Variants in RORA observed in about 807,000 individuals in gnomAD.
RORA encodes RAR related orphan receptor A.
A neutral mutation model predicts 69.5 loss-of-function variants in RORA; 7 were observed. That is an observed-to-expected ratio of 0.10 (90% confidence interval 0.06 to 0.19). The LOEUF (loss-of-function observed/expected upper bound fraction) is 0.19. Ranked by LOEUF, RORA falls within the 10% of genes least tolerant of loss-of-function variation. The probability of loss-of-function intolerance (pLI) is 1.00; values close to 1 mark genes in which losing one functional copy is unlikely to be tolerated. For synonymous variants in RORA, 261 were observed against 240.8 expected, an observed-to-expected ratio of 1.08 and a Z score of -0.78; for missense variants, 457 against 663.0, an observed-to-expected ratio of 0.69 and a Z score of 3.41.
At chr15:60,964,268 T>C (rs1205747519) in intron 1 of RORA, among the ~76,000 whole-genome samples, 1 of 152,216 alleles carries the variant, frequency 6.6e-6, no homozygotes, top group Non-Finnish European at 1.5e-5. Context: ...CCTATCTGTA[T>C]AAGATGAGGT....
chr15:60,691,120 T>C (rs572633005), intron 1 of RORA, among the ~76,000 whole-genome samples: 10 of 152,062 alleles, frequency 6.6e-5, no homozygotes, highest in Non-Finnish European at 8.8e-5. Flanking sequence ...TCCTTTCTGT[T>C]TGTAGTTCCC....
In RORA at chr15:61,172,014, T is replaced by C. The variant is rs1181048801; in HGVS notation, c.166+57039A>G. Among the ~76,000 whole-genome samples the C allele has an allele frequency of 5.9e-5, 9 of 152,306 alleles. No individual in the cohort carries two copies. In the East Asian group the frequency reaches 1.7e-3, roughly 29 times the overall value. Reference sequence around the variant, plus strand: ...AGGGCATGCACATTAGCATATTTTGTAACAGCTGTTGATGAAGATGTTAAG... The same window carrying C: ...AGGGCATGCACATTAGCATATTTTGCAACAGCTGTTGATGAAGATGTTAAG... On this transcript the variant is annotated intron_variant, in intron 1 of 10. Transcript: ENST00000335670.
intron 1 of RORA, among the ~76,000 whole-genome samples, chr15:60,785,712 T>C (rs2072324985): frequency 6.6e-6 from 1 of 152,234 alleles, no homozygotes; most frequent in Non-Finnish European, 1.5e-5. Context: ...GACCTTTGCA[T>C]ATCACACTCC....
chr15:60,762,496 T>TA, intron 1 of RORA, among the ~76,000 whole-genome samples: 1 of 152,210 alleles, frequency 6.6e-6, no homozygotes, highest in Non-Finnish European at 1.5e-5. Flanking sequence ...GAGGACATAT[T>TA]ACAGCCAACT....
At chr15:60,947,665 G>C (rs141808055) in intron 1 of RORA, among the ~76,000 whole-genome samples, 1,859 of 101,532 alleles carry the variant, frequency 0.018, 46 homozygotes, top group African/African-American at 0.071. Flanking sequence ...CCCCCTCTTC[G>C]AGAAACACCC....
chr15:61,195,769 A>C (rs568290195), intron 1 of RORA: 1 of 152,244 alleles, frequency 6.6e-6, no homozygotes, highest in Non-Finnish European at 1.5e-5. Flanking sequence ...CTCACTAGTC[A>C]ATGAGTCACA....
intron 2 of RORA, among the ~76,000 whole-genome samples, chr15:60,539,477 G>A (rs1005619442): frequency 3.9e-5 from 6 of 152,264 alleles, no homozygotes; most frequent in Middle Eastern, 3.4e-3. Flanking sequence ...AACAGTGGGT[G>A]GCTTTTTTAG....
chr15:60,790,529 A>T (rs926076211), intron 1 of RORA, among the ~76,000 whole-genome samples: 2 of 152,216 alleles, frequency 1.3e-5, no homozygotes, highest in African/African-American at 4.8e-5. Context: ...TGGAAACTGC[A>T]AGTCTAGAAC....
intron 1 of RORA, among the ~76,000 whole-genome samples, chr15:61,134,434 G>C (rs1027120469): frequency 6.6e-6 from 1 of 152,192 alleles, no homozygotes; most frequent in Non-Finnish European, 1.5e-5. Context: ...AAGGCCAGAG[G>C]TTCTAACAGC....
chr15:60,574,154 C>T (rs1289845006), intron 2 of RORA, among the ~76,000 whole-genome samples: 1 of 152,206 alleles, frequency 6.6e-6, no homozygotes, highest in Non-Finnish European at 1.5e-5. Flanking sequence ...GCGAGTCTGG[C>T]AGACTCAGCC....
At chr15:61,114,700 A>G (rs528448309) in intron 1 of RORA, among the ~76,000 whole-genome samples, 12 of 152,328 alleles carry the variant, frequency 7.9e-5, no homozygotes, top group African/African-American at 2.9e-4. Context: ...AATTGGTTAT[A>G]TAATTGGCCT....
At chr15:60,673,171 G>C (rs1175857032) in intron 2 of RORA, among the ~76,000 whole-genome samples, 1 of 152,138 alleles carries the variant, frequency 6.6e-6, no homozygotes, top group Non-Finnish European at 1.5e-5. Context: ...CTACTAACTG[G>C]GCAAACTTGA....
intron 1 of RORA, among the ~76,000 whole-genome samples, chr15:61,182,307 A>C (rs943031746): frequency 2.0e-4 from 30 of 152,246 alleles, no homozygotes; most frequent in African/African-American, 7.2e-4. Flanking sequence ...GGAACAGACC[A>C]GTCCTCAGGG....
chr15:60,549,533 T>C (rs1387795847), intron 2 of RORA, among the ~76,000 whole-genome samples: 1 of 152,144 alleles, frequency 6.6e-6, no homozygotes, highest in African/African-American at 2.4e-5. Context: ...TTTGTCATAC[T>C]TCTTACAGTG....
intron 1 of RORA, among the ~76,000 whole-genome samples, chr15:61,182,477 A>C (rs1284364425): frequency 6.6e-6 from 1 of 152,226 alleles, no homozygotes; most frequent in Admixed American, 6.5e-5. Flanking sequence ...TCACCCTGGG[A>C]ACATCCATGG....
At chr15:60,563,341 A>AATTT (rs2067631265) in intron 2 of RORA, among the ~76,000 whole-genome samples, 1 of 152,180 alleles carries the variant, frequency 6.6e-6, no homozygotes, top group East Asian at 1.9e-4. Flanking sequence ...CTCTTCTTGC[A>AATTT]CTTTGGCCTA....
intron 1 of RORA, among the ~76,000 whole-genome samples, chr15:60,908,568 AAG>A (rs1488199152): frequency 1.3e-5 from 2 of 152,296 alleles, no homozygotes; most frequent in African/African-American, 4.8e-5. Context: ...GAAAAACCAG[AAG>A]AGTCATTCCT....
intron 1 of RORA, among the ~76,000 whole-genome samples, chr15:61,162,274 TG>T (rs1475978372): frequency 6.6e-6 from 1 of 152,234 alleles, no homozygotes; most frequent in Non-Finnish European, 1.5e-5. Context: ...CACAGAAAGA[TG>T]TGTCTGGTAA....
intron 1 of RORA, among the ~76,000 whole-genome samples, chr15:60,842,588 C>G (rs896081376): frequency 1.3e-5 from 2 of 152,236 alleles, no homozygotes; most frequent in Middle Eastern, 3.4e-3. Context: ...GGTCAGTGGT[C>G]AGTGGTGAGC....
Sources: allele counts gnomAD v4.1 joint callset (sites outside exome capture counted in the v4.1 genomes callset), GRCh38; gene constraint gnomAD v4.1.1; transcripts MANE v1.5; gene names NCBI Gene and HGNC (gene_info 2026-07-23, HGNC 2026-07-21).